The following OVCH1 variants were observed in gnomAD, a reference collection of about 807,000 sequenced individuals.
OVCH1 encodes the protein ovochymase 1.
In OVCH1, 139 loss-of-function variants were observed where a neutral mutation model predicts 138.4. The ratio of observed to expected loss-of-function variants is 1.00; its 90% CI spans 0.87 to 1.16. The LOEUF (loss-of-function observed/expected upper bound fraction) is 1.16. Ranked by LOEUF, OVCH1 falls within the 50% of genes most tolerant of loss-of-function variation. OVCH1 has a pLI of 0.00. For missense variants in OVCH1, 1,367 were observed against 1,357.9 expected (o/e 1.01, Z -0.11); for synonymous variants, 453 against 467.8 (o/e 0.97, Z 0.41).
intron 5 of OVCH1, 84 bp downstream of exon 5, chr12:29,491,013 A>T: frequency 9.3e-7 from 1 of 1,079,008 alleles, no homozygotes; most frequent in Non-Finnish European, 1.4e-6. Context: ...TAAATGTACT[A>T]CTCATGGTCA....
At chr12:29,477,478 C>T (rs1283189686) in intron 10 of OVCH1, 2 of 1,613,918 alleles carry the variant, frequency 1.2e-6, no homozygotes, top group African/African-American at 1.3e-5. Flanking sequence ...ACAGACCTTA[C>T]CTTAAAAGAA....
At chr12:29,477,471 G>A (rs935299583) in exon 11 of OVCH1, 4 of 1,613,930 alleles carry the variant, frequency 2.5e-6, no homozygotes, top group Non-Finnish European at 1.7e-6. Context: ...TTTTTCCACA[G>A]ACCTTACCTT....
chr12:29,491,161 G>T (rs753770599), exon 5 of OVCH1: 1 of 1,613,696 alleles, frequency 6.2e-7, no homozygotes, highest in South Asian at 1.1e-5. Flanking sequence ...TATCATCGCT[G>T]TCAGGAAGAC....
chr12:29,437,942 T>C (rs1941394822), intron 26 of OVCH1, among the ~76,000 whole-genome samples: 1 of 152,184 alleles, frequency 6.6e-6, no homozygotes, highest in Non-Finnish European at 1.5e-5. Context: ...GATTTTAGCT[T>C]TTCTATTATT....
chr12:29,478,058 G>T (rs1176465251), intron 9 of OVCH1, among the ~76,000 whole-genome samples: 2 of 152,150 alleles, frequency 1.3e-5, no homozygotes, highest in Non-Finnish European at 2.9e-5. Flanking sequence ...AGAGACATTT[G>T]TCCTAACCAT....
exon 7 of OVCH1, chr12:29,487,737 T>G: frequency 6.2e-7 from 1 of 1,604,890 alleles, no homozygotes; most frequent in South Asian, 1.1e-5. Flanking sequence ...CTCAGACACT[T>G]TGGAGAAAAT....
intron 21 of OVCH1, 36 bp from the exon 22 acceptor site, chr12:29,451,605 A>G: frequency 2.0e-6 from 3 of 1,519,826 alleles, no homozygotes; most frequent in Non-Finnish European, 1.8e-6. Flanking sequence ...AGGGACCAAC[A>G]TAAATAAAGC....
chr12:29,495,318 C>A, exon 4 of OVCH1: 1 of 1,612,812 alleles, frequency 6.2e-7, no homozygotes, highest in East Asian at 2.2e-5. Context: ...TACAGCAGTG[C>A]AATATCAGGA....
chr12:29,447,874 C>T (rs1941662879), intron 22 of OVCH1, among the ~76,000 whole-genome samples: 2 of 151,838 alleles, frequency 1.3e-5, no homozygotes, highest in Admixed American at 1.3e-4. Context: ...TTGTGAAGTG[C>T]CTTCTATGTG....
intron 26 of OVCH1, among the ~76,000 whole-genome samples, chr12:29,435,915 A>G (rs554203248): frequency 3.3e-5 from 5 of 152,244 alleles, no homozygotes; most frequent in African/African-American, 1.2e-4. Context: ...ATGTTTATTT[A>G]TTCACTGGGA....
intron 5 of OVCH1, among the ~76,000 whole-genome samples, chr12:29,490,885 C>T (rs1943254082): frequency 6.6e-6 from 1 of 152,172 alleles, no homozygotes; most frequent in African/African-American, 2.4e-5. Flanking sequence ...CCTTTATCTG[C>T]CATACCAAAT....
chr12:29,414,079 G>C (rs1941000591), intron 3 of OVCH1, among the ~76,000 whole-genome samples: 1 of 147,072 alleles, frequency 6.8e-6, no homozygotes, highest in Admixed American at 6.8e-5. Context: ...GAGTGTAGTG[G>C]CACAATCTCG....
At chr12:29,445,502 A>T (rs1565575295) in intron 22 of OVCH1, 99 bp from the exon 23 acceptor site, 2 of 1,176,730 alleles carry the variant, frequency 1.7e-6, no homozygotes, top group Non-Finnish European at 2.4e-6. Context: ...ACGAGGTAGG[A>T]ATTGATTCCA....
At position 29,479,016 on chromosome 12, in the gene OVCH1, T is replaced by C. The variant is rs921982562; in HGVS notation, c.996-108A>G. The C allele has an allele frequency of 9.0e-6, 6 of 669,024 alleles. No individual in the cohort carries two copies. The African/African-American group carries it at 1.1e-4, about 13-fold the overall frequency. 41.4% of individuals were successfully genotyped at this position (669,024 alleles called of 1,614,324 possible). A position where few individuals can be genotyped will look rare whatever the true frequency, so the allele number is the denominator to read the frequency against. ...AAATGTAATAAATGGAAGAGTCAGA[T>C]TTGCTAAATAAAATCTAATACCTGT... On this transcript the variant is annotated intron_variant, in intron 8 of 27. Coordinates refer to ENST00000318184, the Ensembl canonical transcript of OVCH1.
At chr12:29,427,087 A>C (rs1041527749), downstream of OVCH1, among the ~76,000 whole-genome samples, 3 of 152,198 alleles carry the variant, frequency 2.0e-5, no homozygotes, top group African/African-American at 7.2e-5. Context: ...ATCCAAAGTC[A>C]CTATCATAGC....
downstream of OVCH1, among the ~76,000 whole-genome samples, chr12:29,426,305 G>A (rs1234621730): frequency 6.6e-6 from 1 of 152,202 alleles, no homozygotes; most frequent in Non-Finnish European, 1.5e-5. Flanking sequence ...AAAGGAAGCA[G>A]AGAAATGGGA....
intron 8 of OVCH1, among the ~76,000 whole-genome samples, chr12:29,484,224 G>A (rs1458936423): frequency 6.6e-6 from 1 of 152,144 alleles, no homozygotes; most frequent in Non-Finnish European, 1.5e-5. Context: ...GAAGCTTATA[G>A]GACATGAACT....
At chr12:29,434,896 G>C (rs1182062601) in intron 26 of OVCH1, among the ~76,000 whole-genome samples, 1 of 152,194 alleles carries the variant, frequency 6.6e-6, no homozygotes, top group Non-Finnish European at 1.5e-5. Flanking sequence ...TTTTAAGACA[G>C]TAGTTCTAAA....
At chr12:29,423,224 C>A (rs1384684359), downstream of OVCH1, 2 of 455,928 alleles carry the variant, frequency 4.4e-6, no homozygotes, top group South Asian at 3.1e-5. Context: ...TCAGACTCAT[C>A]AGTCTTAAAA....
Sources: allele counts gnomAD v4.1 joint callset (sites outside exome capture counted in the v4.1 genomes callset), GRCh38; gene constraint gnomAD v4.1.1; transcripts MANE v1.5; gene names NCBI Gene and HGNC (gene_info 2026-07-23, HGNC 2026-07-21).